KCNN2: variants seen among roughly 807,000 people sequenced by gnomAD.
KCNN2 encodes small conductance calcium-activated potassium channel protein 2.
Under a neutral mutation model 55.5 loss-of-function variants are expected in KCNN2, and 24 were observed. The observed-to-expected ratio is 0.43, with a 90% CI of 0.31 to 0.61. The LOEUF (loss-of-function observed/expected upper bound fraction) is 0.61. Among genes scored for constraint, KCNN2 ranks in the 20% least tolerant of loss-of-function variants. The probability of loss-of-function intolerance (pLI) is 0.08; values close to 1 mark genes in which losing one functional copy is unlikely to be tolerated. For missense variants in KCNN2, 754 were observed against 853.6 expected, an observed-to-expected ratio of 0.88 and a Z score of 1.45; for synonymous variants, 431 against 336.1, an observed-to-expected ratio of 1.28 and a Z score of -3.09.
At chr5:114,474,898 A>G (rs1049070377) in intron 5 of KCNN2, among the ~76,000 whole-genome samples, 3 of 152,158 alleles carry the variant, frequency 2.0e-5, no homozygotes, top group Non-Finnish European at 4.4e-5. Context: ...AACAGAAAAA[A>G]AAAAAGTGAC....
intron 1 of KCNN2, among the ~76,000 whole-genome samples, chr5:114,094,116 T>C (rs980323769): frequency 3.9e-5 from 6 of 152,210 alleles, no homozygotes; most frequent in Non-Finnish European, 8.8e-5. Flanking sequence ...TTGTTTTGCC[T>C]TATTTATGGG....
intron 3 of KCNN2, among the ~76,000 whole-genome samples, chr5:114,440,825 T>A (rs545333455): frequency 3.2e-5 from 3 of 94,426 alleles, no homozygotes; most frequent in East Asian, 1.2e-3. Context: ...GAAGGGAGCA[T>A]ATAACAAACA....
chr5:114,144,939 G>C (rs1752366875), intron 1 of KCNN2, among the ~76,000 whole-genome samples: 1 of 151,972 alleles, frequency 6.6e-6, no homozygotes, highest in Non-Finnish European at 1.5e-5. Flanking sequence ...GATATTTTTG[G>C]CTGTGTGGAA....
At chr5:114,272,333 TACACACATATATGTATGTA>T (rs1755359167) in intron 2 of KCNN2, among the ~76,000 whole-genome samples, 17 of 122,084 alleles carry the variant, frequency 1.4e-4, no homozygotes, top group African/African-American at 5.1e-4. Context: ...TATGTACATA[TACACACATATATGTATGTA>T]CATACCATAT....
In KCNN2 at chr5:114,404,778, TATGCCCAGGA is replaced by T; in HGVS notation, c.1561_1570del (p.Cys521LeufsTer12). 1 of 1,613,810 alleles carries T rather than the reference TATGCCCAGGA, an allele frequency of 6.2e-7. No homozygotes were observed. ...TTTGTTATGAAGACTTTAATGACTA[TATGCCCAGGA>T]ACTGTACTCTTGGTTTTTAGTATCT... On this transcript the variant is annotated frameshift_variant, in exon 3 of 8. Coordinates refer to ENST00000673685, the MANE Select transcript of KCNN2 (RefSeq NM_021614.4). LOFTEE classifies it high-confidence loss of function.
intron 3 of KCNN2, among the ~76,000 whole-genome samples, chr5:114,440,487 T>C (rs932796664): frequency 6.6e-6 from 1 of 152,002 alleles, no homozygotes; most frequent in East Asian, 1.9e-4. Flanking sequence ...TGAGAAGGAA[T>C]AGGGAGGAAA....
intron 2 of KCNN2, among the ~76,000 whole-genome samples, chr5:114,246,065 A>G (rs1409545881): frequency 6.6e-6 from 1 of 152,196 alleles, no homozygotes; most frequent in Non-Finnish European, 1.5e-5. Context: ...GTACAGTACC[A>G]TGACTTTGAT....
intron 3 of KCNN2, among the ~76,000 whole-genome samples, chr5:114,439,126 A>G (rs1284593124): frequency 6.6e-6 from 1 of 152,186 alleles, no homozygotes; most frequent in Non-Finnish European, 1.5e-5. Context: ...CGTAACATCT[A>G]GAGGAGCTGG....
intron 1 of KCNN2, among the ~76,000 whole-genome samples, chr5:114,088,231 G>T (rs1232153838): frequency 6.6e-6 from 1 of 152,126 alleles, no homozygotes; most frequent in Non-Finnish European, 1.5e-5. Context: ...CTGAAATGAT[G>T]TAGGGCTGTG....
intron 1 of KCNN2, among the ~76,000 whole-genome samples, chr5:114,198,463 T>C (rs74455999): frequency 0.026 from 3,880 of 147,870 alleles, 151 homozygotes; most frequent in African/African-American, 0.089. Flanking sequence ...TATATACATA[T>C]ACACACACAC....
intron 1 of KCNN2, among the ~76,000 whole-genome samples, chr5:114,134,582 T>A (rs1752136256): frequency 6.6e-6 from 1 of 151,418 alleles, no homozygotes; most frequent in Non-Finnish European, 1.5e-5. Flanking sequence ...TTCAAGCCAT[T>A]CTCCTGCCTA....
chr5:114,416,388 G>C (rs935908654), intron 3 of KCNN2, among the ~76,000 whole-genome samples: 4 of 152,258 alleles, frequency 2.6e-5, no homozygotes, highest in African/African-American at 9.6e-5. Context: ...GAAAAACCAA[G>C]CTCCTCCGTC....
At chr5:114,097,071 A>G (rs1166245750) in intron 1 of KCNN2, among the ~76,000 whole-genome samples, 1 of 152,122 alleles carries the variant, frequency 6.6e-6, no homozygotes, top group African/African-American at 2.4e-5. Context: ...AGGCAATTAC[A>G]CCTCTTTCCA....
chr5:114,488,954 T>C (rs903562527), intron 6 of KCNN2: 5 of 152,130 alleles, frequency 3.3e-5, no homozygotes, highest in African/African-American at 9.7e-5. Flanking sequence ...AGTGAGCAAG[T>C]GTGGTCGGTC....
chr5:114,312,434 C>CATATATATATATATATAT (rs59964515), intron 2 of KCNN2, among the ~76,000 whole-genome samples: 2 of 23,408 alleles, frequency 8.5e-5, no homozygotes, highest in African/African-American at 1.5e-4. Flanking sequence ...CACACACACA[C>CATATATATATATATATAT]ATATATATAT....
chr5:114,081,790 T>C (rs1750825858), intron 1 of KCNN2, among the ~76,000 whole-genome samples: 1 of 152,108 alleles, frequency 6.6e-6, no homozygotes, highest in Admixed American at 6.6e-5. Context: ...ACATTTTAAG[T>C]TTGTGCTTCA....
chr5:114,323,923 C>T (rs924398886), intron 2 of KCNN2, among the ~76,000 whole-genome samples: 12 of 151,990 alleles, frequency 7.9e-5, no homozygotes, highest in Non-Finnish European at 1.6e-4. Flanking sequence ...CTGGGAGCCA[C>T]TGCACCCAGC....
chr5:114,353,950 T>A (rs1317794941), intron 2 of KCNN2, among the ~76,000 whole-genome samples: 1 of 151,982 alleles, frequency 6.6e-6, no homozygotes, highest in South Asian at 2.1e-4. Context: ...GAGGTGTAGA[T>A]GAATGTTTTT....
chr5:114,167,531 A>T (rs1752939909), intron 1 of KCNN2, among the ~76,000 whole-genome samples: 1 of 152,058 alleles, frequency 6.6e-6, no homozygotes, highest in Non-Finnish European at 1.5e-5. Context: ...GATATTTTAG[A>T]AGAGTAGTTT....
Sources: allele counts gnomAD v4.1 joint callset (sites outside exome capture counted in the v4.1 genomes callset), GRCh38; gene constraint gnomAD v4.1.1; transcripts MANE v1.5; gene names NCBI Gene and HGNC (gene_info 2026-07-23, HGNC 2026-07-21).